PKHD1L1: variants seen among roughly 807,000 people sequenced by gnomAD.
PKHD1L1 encodes PKHD1 like 1.
PKHD1L1 carries 434 observed loss-of-function variants against 462.9 expected under a neutral mutation model. The ratio of observed to expected loss-of-function variants is 0.94; its 90% CI spans 0.87 to 1.02. The LOEUF is 1.02. Ranked by LOEUF, PKHD1L1 falls within the 50% of genes least tolerant of loss-of-function variation. The pLI, the probability that PKHD1L1 is intolerant of heterozygous loss-of-function variation, is 0.00. For missense variants in PKHD1L1, 5,202 were observed against 5,096.1 expected (o/e 1.02, Z -0.63); for synonymous variants, 1,781 against 1,750.0 (o/e 1.02, Z -0.44).
At chr8:109,501,152 G>A (rs1819390872) in intron 67 of PKHD1L1, among the ~76,000 whole-genome samples, 1 of 151,778 alleles carries the variant, frequency 6.6e-6, no homozygotes, top group African/African-American at 2.4e-5. Context: ...TTTGTTTTAG[G>A]TTAATAACAC....
At chr8:109,397,269 C>T (rs778223796) in intron 11 of PKHD1L1, among the ~76,000 whole-genome samples, 1 of 152,096 alleles carries the variant, frequency 6.6e-6, no homozygotes, top group Non-Finnish European at 1.5e-5. Context: ...CTCTTGAAAA[C>T]ATGATGTTTA....
At position 109,535,840 on chromosome 8, in the gene PKHD1L1, C is replaced by G. The variant is rs1821132924; in HGVS notation, c.*5750C>G. Among the ~76,000 whole-genome samples, 1 of 152,098 alleles carries G rather than the reference C, an allele frequency of 6.6e-6. No homozygotes were observed. The highest frequency in any genetic ancestry group is 2.4e-5 in the African/African-American group (1 of 41,420). Reference sequence around the variant, plus strand: ...ATGGACACTGAGAAGAAAGAATAGACAAAACTTGGCAACAGATCTTGGTAT... The same window carrying G: ...ATGGACACTGAGAAGAAAGAATAGAGAAAACTTGGCAACAGATCTTGGTAT... On this transcript the variant is annotated 3_prime_UTR_variant, in exon 78 of 78. Transcript: ENST00000378402.
At chr8:109,498,411 T>G in intron 65 of PKHD1L1, 51 bp from the exon 66 acceptor site, 1 of 1,377,198 alleles carries the variant, frequency 7.3e-7, no homozygotes, top group South Asian at 1.2e-5. Context: ...CATGTTTTCT[T>G]TTAGTAAGAG....
intron 23 of PKHD1L1, among the ~76,000 whole-genome samples, chr8:109,421,644 C>G (rs537231334): frequency 6.6e-6 from 1 of 152,068 alleles, no homozygotes; most frequent in Non-Finnish European, 1.5e-5. Context: ...ATTAGCCGGG[C>G]GTGGTGGCGG....
rs1365959599 is a variant in PKHD1L1 at position 109,465,005 on chromosome 8, G to A, written c.8173G>A (p.Ala2725Thr). 6.2e-7 allele frequency: 1 copy of A among 1,613,832 alleles called. No individual in the cohort carries two copies. Among genetic ancestry groups the A allele is most frequent in the Admixed American group, 1.7e-5 (1 of 59,984 alleles). The stretch of plus-strand genomic sequence containing the variant: ...GGGAATGGGGTCTGCATTTTGCACA[G>A]CAAAAGGCCTGGTTCTCCCATTTAG... ...ELGMGSAFCT[A>T]KGLVLPFSEG... Residue 2725 changes from alanine to threonine, a missense_variant, in exon 49 of 78, where the codon GCA becomes ACA. Around this residue, in one of 3 missense-constraint regions of PKHD1L1, gnomAD observed 4,497 missense variants for 4,336.8 expected, o/e 1.04. Transcript: ENST00000378402.
At chr8:109,368,152 T>C (rs928215028) in intron 2 of PKHD1L1, among the ~76,000 whole-genome samples, 5 of 152,252 alleles carry the variant, frequency 3.3e-5, no homozygotes, top group African/African-American at 1.2e-4. Context: ...TTGATATTTA[T>C]CATGTTGGTT....
chr8:109,434,185 A>G (rs1407013156), intron 28 of PKHD1L1, among the ~76,000 whole-genome samples: 1 of 152,120 alleles, frequency 6.6e-6, no homozygotes, highest in Non-Finnish European at 1.5e-5. Flanking sequence ...CCACGATGAT[A>G]TGTGTATATC....
At position 109,486,890 on chromosome 8, in the gene PKHD1L1, T is replaced by G. The variant is rs1818556834; in HGVS notation, c.9880+69T>G. ...TATCTCATCTATATGTAGTCAGCTC[T>G]TACATAATTCTCACTTTTTTAATAA... On this transcript the variant is annotated intron_variant, in intron 59 of 77. Coordinates refer to ENST00000378402, the MANE Select transcript of PKHD1L1 (RefSeq NM_177531.6). 27 of 1,378,428 alleles carry G rather than the reference T, an allele frequency of 2.0e-5. No individual in the cohort carries two copies. In the South Asian group the frequency reaches 2.0e-4, roughly 10 times the overall value. The allele number at this position is 1,378,428 out of a possible 1,614,324, so 85.4% of individuals were successfully genotyped here.
chr8:109,448,060 G>C (rs778298035), intron 38 of PKHD1L1, 83 bp from the exon 39 acceptor site: 1 of 1,225,730 alleles, frequency 8.2e-7, no homozygotes, highest in Admixed American at 2.8e-5. Flanking sequence ...TCTTTTATTT[G>C]TAAAAGTAAA....
intron 32 of PKHD1L1, 34 bp from the exon 33 acceptor site, chr8:109,440,676 G>A (rs1425130307): frequency 1.3e-6 from 2 of 1,585,726 alleles, no homozygotes; most frequent in East Asian, 2.2e-5. Context: ...TCAGTAGGAA[G>A]CTCATTGAAA....
Position 109,412,282 on chromosome 8 carries a change from G to A in PKHD1L1, c.2103G>A (p.Gly701=), listed in dbSNP as rs761894091. The change falls in exon 20 of 78, where the codon GGG becomes GGA. Residue 701 remains glycine (G), a synonymous_variant. Transcript: ENST00000378402. ...TDFNLEHINR[G]QKTAETDAYC... Reference sequence around the variant, plus strand: ...TTCGGTAGGAACATATTAACAGAGGGCAGAAGACAGCTGAAACCGATGCTT... The same window carrying A: ...TTCGGTAGGAACATATTAACAGAGGACAGAAGACAGCTGAAACCGATGCTT... 1.5e-5 allele frequency: 24 copies of A among 1,613,540 alleles called. No homozygotes were observed. The highest frequency in any genetic ancestry group is 5.3e-5 in the African/African-American group (4 of 75,000).
At position 109,476,483 on chromosome 8, in the gene PKHD1L1, C is replaced by T. The variant is rs757950278; in HGVS notation, c.8758-25C>T. 5 of 1,355,090 alleles carry T rather than the reference C, an allele frequency of 3.7e-6. No individual in the cohort carries two copies. In the South Asian group the frequency reaches 7.2e-5, roughly 19 times the overall value. 83.9% of individuals were successfully genotyped at this position (1,355,090 alleles called of 1,614,324 possible). ...ATACGAAGAATATTAACATACAAGT[C>T]ACATTTTTCTATAAACTTTTATAGG... On this transcript the variant is annotated intron_variant, in intron 51 of 77. Coordinates refer to ENST00000378402, the MANE Select transcript of PKHD1L1 (RefSeq NM_177531.6).
chr8:109,369,059 A>C (rs1811364490), intron 2 of PKHD1L1, among the ~76,000 whole-genome samples: 2 of 151,744 alleles, frequency 1.3e-5, no homozygotes, highest in Non-Finnish European at 2.9e-5. Flanking sequence ...GACTCACTGC[A>C]ACCTCCGCCT....
At chr8:109,375,350 A>G (rs1257960844) in intron 2 of PKHD1L1, among the ~76,000 whole-genome samples, 1 of 152,100 alleles carries the variant, frequency 6.6e-6, no homozygotes, top group Non-Finnish European at 1.5e-5. Context: ...TTTCAGCTCC[A>G]TCAGGTCCTT....
At chr8:109,418,953 T>C in intron 21 of PKHD1L1, 144 bp from the exon 22 acceptor site, 1 of 578,228 alleles carries the variant, frequency 1.7e-6, no homozygotes, top group Non-Finnish European at 2.9e-6. Flanking sequence ...TTGTTACGGC[T>C]GCTTTTCTGT....
At chr8:109,470,735 G>A (rs1817673655) in intron 50 of PKHD1L1, 2 of 1,562,510 alleles carry the variant, frequency 1.3e-6, no homozygotes, top group Admixed American at 3.5e-5. Context: ...CAATCTTCTT[G>A]GGACAGCCAG....
intron 4 of PKHD1L1, among the ~76,000 whole-genome samples, chr8:109,383,258 T>A (rs1444050499): frequency 1.1e-5 from 1 of 93,006 alleles, no homozygotes; most frequent in Non-Finnish European, 2.1e-5. Flanking sequence ...ATATAATAGA[T>A]AATTATATAA....
intron 23 of PKHD1L1, among the ~76,000 whole-genome samples, chr8:109,424,637 T>C (rs1320270604): frequency 6.6e-6 from 1 of 152,220 alleles, no homozygotes; most frequent in Non-Finnish European, 1.5e-5. Flanking sequence ...TCAGCCACTG[T>C]ATAAATCATA....
chr8:109,466,608 GCTCATTGCTAGACCCTT>G lies in PKHD1L1; in HGVS notation c.8452_8468del (p.Leu2818TyrfsTer5), dbSNP rs746243573. 22 of 1,607,876 alleles carry G rather than the reference GCTCATTGCTAGACCCTT, an allele frequency of 1.4e-5. No homozygotes were observed. The East Asian group carries it at 4.9e-4, about 36-fold the overall frequency. ...AAAGGACATACCGTCATTCCACACA[GCTCATTGCTAGACCCTT>G]CTCATTGTACTCAGGAAGCTGAGTG... On this transcript the variant is annotated frameshift_variant, in exon 50 of 78. Coordinates refer to ENST00000378402, the MANE Select transcript of PKHD1L1 (RefSeq NM_177531.6). LOFTEE classifies it high-confidence loss of function.
Sources: allele counts gnomAD v4.1 joint callset (sites outside exome capture counted in the v4.1 genomes callset), GRCh38; gene constraint gnomAD v4.1.1; regional missense constraint gnomAD v4.1.1; transcripts MANE v1.5; gene names NCBI Gene and HGNC (gene_info 2026-07-23, HGNC 2026-07-21).